The following SSBP2 variants were observed in gnomAD, a reference collection of about 807,000 sequenced individuals.
The protein encoded by SSBP2 is single-stranded DNA-binding protein 2.
In SSBP2, 17 loss-of-function variants were observed where a neutral mutation model predicts 61.8. The ratio of observed to expected loss-of-function variants is 0.28; its 90% CI spans 0.19 to 0.41. SSBP2 has a LOEUF of 0.41. Ranked by LOEUF, SSBP2 falls within the 10% of genes least tolerant of loss-of-function variation. SSBP2 has a pLI of 1.00. For missense variants in SSBP2, 310 were observed against 458.7 expected (o/e 0.68, Z 2.96); for synonymous variants, 139 against 141.3 (o/e 0.98, Z 0.12).
At chr5:81,718,541 T>C (rs1216630676) in intron 1 of SSBP2, among the ~76,000 whole-genome samples, 1 of 152,098 alleles carries the variant, frequency 6.6e-6, no homozygotes, top group African/African-American at 2.4e-5. Context: ...AAAACATCCC[T>C]ACATTCAAAG....
rs1761198394 is a variant in SSBP2 at position 81,413,130 on chromosome 5, A to G, written c.*7374T>C. ...GAAAGGGTAGGAACTGTATATGAAA[A>G]GCTGTATTTTAAAAAATTAAATGTG... On this transcript the variant is annotated 3_prime_UTR_variant, in exon 17 of 17. Coordinates refer to ENST00000320672, the MANE Select transcript of SSBP2 (RefSeq NM_012446.5). The G allele has an allele frequency of 6.6e-6, 1 of 152,244 alleles. No homozygotes were observed. The highest frequency in any genetic ancestry group is 1.5e-5 in the Non-Finnish European group (1 of 68,032). 9.4% of individuals were successfully genotyped at this position (152,244 alleles called of 1,614,324 possible).
At position 81,413,318 on chromosome 5, in the gene SSBP2, TAC is replaced by T. The variant is rs1395171810; in HGVS notation, c.*7184_*7185del. ...GCACACACACATACACGAACACACA[TAC>T]ACAGATGCTAAATTTACAAAATGTG... On this transcript the variant is annotated 3_prime_UTR_variant, in exon 17 of 17. Transcript: ENST00000320672. 1 of 152,156 alleles carries T rather than the reference TAC, an allele frequency of 6.6e-6. No individual in the cohort carries two copies. The highest frequency in any genetic ancestry group is 2.4e-5 in the African/African-American group (1 of 41,446). The allele number at this position is 152,156 out of a possible 1,614,324, so 9.4% of individuals were successfully genotyped here.
At chr5:81,498,405 C>T (rs1361043705) in intron 5 of SSBP2, among the ~76,000 whole-genome samples, 2 of 151,994 alleles carry the variant, frequency 1.3e-5, no homozygotes, top group African/African-American at 4.8e-5. Context: ...TTATTCTTTC[C>T]TCTGATACTT....
At chr5:81,488,871 A>C (rs983181303) in intron 6 of SSBP2, among the ~76,000 whole-genome samples, 1 of 151,978 alleles carries the variant, frequency 6.6e-6, no homozygotes, top group Non-Finnish European at 1.5e-5. Flanking sequence ...AAATTACACA[A>C]GTTTTTAAAT....
chr5:81,506,750 C>T (rs891728401), intron 5 of SSBP2, among the ~76,000 whole-genome samples: 1 of 152,084 alleles, frequency 6.6e-6, no homozygotes, highest in African/African-American at 2.4e-5. Context: ...AATATAGATA[C>T]TAAGGTATCT....
intron 4 of SSBP2, among the ~76,000 whole-genome samples, chr5:81,544,209 C>T (rs923217667): frequency 1.3e-5 from 2 of 152,112 alleles, no homozygotes; most frequent in Admixed American, 6.5e-5. Context: ...CCACCACGCC[C>T]GGCTAATTTT....
At chr5:81,467,143 C>T in intron 8 of SSBP2, 78 bp from the exon 9 acceptor site, 1 of 890,432 alleles carries the variant, frequency 1.1e-6, no homozygotes, top group Non-Finnish European at 1.8e-6. Context: ...CCCTACATAA[C>T]TCCAATTGGA....
intron 4 of SSBP2, among the ~76,000 whole-genome samples, chr5:81,568,899 A>G (rs35438373): frequency 0.3 from 45,576 of 152,004 alleles, 7,718 homozygotes; most frequent in African/African-American, 0.48. Flanking sequence ...AGGTATGTAG[A>G]AAAATGTTCT....
At chr5:81,512,189 A>C (rs1362443309) in intron 5 of SSBP2, among the ~76,000 whole-genome samples, 2 of 152,218 alleles carry the variant, frequency 1.3e-5, no homozygotes, top group Admixed American at 1.3e-4. Context: ...TATTTCATGA[A>C]TAACAATCAA....
chr5:81,422,111 T>C (rs1483752144), intron 16 of SSBP2, among the ~76,000 whole-genome samples: 6 of 152,146 alleles, frequency 3.9e-5, no homozygotes, highest in African/African-American at 1.4e-4. Flanking sequence ...ATAACAATTG[T>C]GCCTCCTAGA....
At position 81,515,945 on chromosome 5, in the gene SSBP2, T is replaced by C. The variant is rs188179479; in HGVS notation, c.283-2228A>G. 3.4e-3 allele frequency among the ~76,000 whole-genome samples: 517 copies of C among 152,048 alleles called. 7 individuals carry two copies. Among genetic ancestry groups the C allele is most frequent in the African/African-American group, 6.0e-3 (250 of 41,536 alleles). On this transcript the variant is annotated intron_variant, in intron 4 of 16. Coordinates refer to ENST00000320672, the MANE Select transcript of SSBP2 (RefSeq NM_012446.5). ...TGAATTTATTCTCTCTTCTTACATA[T>C]AGTAAAGGATTTTTAAGTTTTGTAA...
At chr5:81,735,626 G>C (rs947252251) in intron 1 of SSBP2, among the ~76,000 whole-genome samples, 1 of 151,942 alleles carries the variant, frequency 6.6e-6, no homozygotes, top group Non-Finnish European at 1.5e-5. Flanking sequence ...TTTGATTTTC[G>C]AATATTTTTA....
At chr5:81,578,242 A>G (rs62368677) in intron 4 of SSBP2, among the ~76,000 whole-genome samples, 22,327 of 151,950 alleles carry the variant, frequency 0.15, 1,941 homozygotes, top group Non-Finnish European at 0.2. Context: ...CTATTTCCAA[A>G]TAAGAATCAG....
intron 16 of SSBP2, among the ~76,000 whole-genome samples, chr5:81,427,132 TAAA>T (rs1762003729): frequency 6.6e-6 from 1 of 152,172 alleles, no homozygotes; most frequent in South Asian, 2.1e-4. Flanking sequence ...TTATTGCTGG[TAAA>T]ATTACTCGAA....
chr5:81,534,949 A>G (rs1000808003), intron 4 of SSBP2, among the ~76,000 whole-genome samples: 1 of 152,016 alleles, frequency 6.6e-6, no homozygotes, highest in East Asian at 1.9e-4. Context: ...AAATCCTGAA[A>G]GAAGCCAGAG....
intron 3 of SSBP2, among the ~76,000 whole-genome samples, chr5:81,629,849 T>C (rs1393902705): frequency 6.6e-6 from 1 of 152,214 alleles, no homozygotes. Context: ...TGTGTCCGTG[T>C]GTGTGTCTGG....
intron 1 of SSBP2, among the ~76,000 whole-genome samples, chr5:81,660,426 A>G (rs1750587547): frequency 6.6e-6 from 1 of 152,168 alleles, no homozygotes; most frequent in African/African-American, 2.4e-5. Flanking sequence ...GTTCATCATC[A>G]CTGATTAGAA....
At chr5:81,431,185 T>G (rs928570780) in intron 15 of SSBP2, among the ~76,000 whole-genome samples, 1 of 152,180 alleles carries the variant, frequency 6.6e-6, no homozygotes, top group African/African-American at 2.4e-5. Flanking sequence ...GGCAAGAATA[T>G]GATGTATAAA....
chr5:81,614,705 C>T (rs1393136885), intron 4 of SSBP2, among the ~76,000 whole-genome samples: 1 of 152,124 alleles, frequency 6.6e-6, no homozygotes, highest in Admixed American at 6.5e-5. Context: ...AACTTGATTT[C>T]CTCCATCTTA....
Sources: allele counts gnomAD v4.1 joint callset (sites outside exome capture counted in the v4.1 genomes callset), GRCh38; gene constraint gnomAD v4.1.1; transcripts MANE v1.5; gene names NCBI Gene and HGNC (gene_info 2026-07-23, HGNC 2026-07-21).